The following CARHSP1 variants were observed in gnomAD, a reference collection of about 807,000 sequenced individuals.
The protein encoded by CARHSP1 is calcium-regulated heat-stable protein 1.
CARHSP1 carries 14 observed loss-of-function variants against 12.5 expected under a neutral mutation model. The observed-to-expected ratio is 1.12, with a 90% CI of 0.74 to 1.75. The LOEUF is 1.75. Ranked by LOEUF, CARHSP1 falls within the 40% of genes most tolerant of loss-of-function variation. The probability of loss-of-function intolerance (pLI) is 0.00; values close to 1 mark genes in which losing one functional copy is unlikely to be tolerated. For synonymous variants in CARHSP1, 161 were observed against 82.0 expected (o/e 1.96, Z -5.20); for missense variants, 343 against 201.6 (o/e 1.70, Z -4.25).
chr16:8,860,182 A>G lies in CARHSP1; in HGVS notation c.-7-847T>C, dbSNP rs559794294. On this transcript the variant is annotated intron_variant, in intron 1 of 3. Coordinates refer to ENST00000311052, the MANE Select transcript of CARHSP1 (RefSeq NM_014316.4). ...AAGCGCCACGTTTGGATCCCTGAGC[A>G]GCTGTCACAAGCCTGCACCCAGGAC... is the stretch of plus-strand genomic sequence containing the variant. 6.1e-6 allele frequency: 6 copies of G among 985,464 alleles called. No homozygotes were observed. The African/African-American group carries it at 1.0e-4, about 17-fold the overall frequency. 61.0% of individuals were successfully genotyped at this position (985,464 alleles called of 1,614,324 possible). A position where few individuals can be genotyped will look rare whatever the true frequency, so the allele number is the denominator to read the frequency against.
rs80296983 is a variant in CARHSP1, at chr16:8,853,340, G to GA, written c.*1823dup. The GA allele has an allele frequency of 0.44, 67,009 of 151,614 alleles. 15,234 individuals are homozygous for GA. Among genetic ancestry groups the GA allele is most frequent in the African/African-American group, 0.55 (22,474 of 41,166 alleles). The allele number at this position is 151,614 out of a possible 1,614,324, so 9.4% of individuals were successfully genotyped here. On this transcript the variant is annotated 3_prime_UTR_variant, in exon 4 of 4. Coordinates refer to ENST00000311052, the MANE Select transcript of CARHSP1 (RefSeq NM_014316.4). Reference sequence around the variant, plus strand: ...ACAGGGAACAATTCAAGGCTGGAGAGAAAAGGCCACCTTTGACCCAGCAGA... The same window carrying GA: ...ACAGGGAACAATTCAAGGCTGGAGAGAAAAAGGCCACCTTTGACCCAGCAGA...
chr16:8,867,568 T>G (rs1370397012), intron 1 of CARHSP1: 1 of 152,128 alleles, frequency 6.6e-6, no homozygotes, highest in Non-Finnish European at 1.5e-5. Flanking sequence ...ATCCCCTACC[T>G]AGGGGACCCA....
chr16:8,855,679 G>T (rs927162013), intron 3 of CARHSP1, among the ~76,000 whole-genome samples: 1 of 150,706 alleles, frequency 6.6e-6, no homozygotes, highest in Admixed American at 6.8e-5. Context: ...CAGAGAGCCA[G>T]AGAGAAACAA....
At chr16:8,858,254 ACCCAGCGCCCATCAGAGT>A in intron 3 of CARHSP1, 78 bp downstream of exon 3, 4 of 1,427,454 alleles carry the variant, frequency 2.8e-6, no homozygotes, top group Non-Finnish European at 3.8e-6. Flanking sequence ...TCGTCCTCAC[ACCCAGCGCCCATCAGAGT>A]CACACACCAT....
intron 1 of CARHSP1, among the ~76,000 whole-genome samples, chr16:8,866,886 C>G (rs2061464602): frequency 6.6e-6 from 1 of 152,152 alleles, no homozygotes; most frequent in African/African-American, 2.4e-5. Context: ...GCCCAGAGCC[C>G]CCTCCCAGGC....
At position 8,854,156 on chromosome 16, in the gene CARHSP1, T is replaced by C. The variant is rs1216542800; in HGVS notation, c.*1008A>G. ...GCCGGCTCTGGGTGAAAGCTTTAGT[T>C]ATGAAAAATAAGAAAAAAAAAATCC... is the stretch of plus-strand genomic sequence containing the variant. On this transcript the variant is annotated 3_prime_UTR_variant, in exon 4 of 4. Transcript: ENST00000311052. 1 of 151,482 alleles carries C rather than the reference T, an allele frequency of 6.6e-6. No homozygotes were observed. Among genetic ancestry groups the C allele is most frequent in the East Asian group, 1.9e-4 (1 of 5,198 alleles). 9.4% of individuals were successfully genotyped at this position (151,482 alleles called of 1,614,324 possible).
Position 8,858,758 on chromosome 16 carries a change from G to C in CARHSP1, c.159-286C>G, listed in dbSNP as rs1480057962. On this transcript the variant is annotated intron_variant, in intron 2 of 3. Coordinates refer to ENST00000311052, the MANE Select transcript of CARHSP1 (RefSeq NM_014316.4). ...ACTGAACATCCCTCCAGAAACTAAT[G>C]ATTTACTATTAATAACACAAGCATC... 4.3e-5 allele frequency: 20 copies of C among 464,956 alleles called. No homozygotes were observed. The East Asian group carries it at 5.3e-4, about 12-fold the overall frequency. 28.8% of individuals were successfully genotyped at this position (464,956 alleles called of 1,614,324 possible).
At chr16:8,859,412 G>T in intron 1 of CARHSP1, 77 bp from the exon 2 acceptor site, 1 of 1,302,586 alleles carries the variant, frequency 7.7e-7, no homozygotes, top group Non-Finnish European at 1.1e-6. Flanking sequence ...GTCCACGTCT[G>T]ACAGTCCAGT....
At chr16:8,861,631 G>C (rs1308050183) in intron 1 of CARHSP1, 1 of 1,288,974 alleles carries the variant, frequency 7.8e-7, no homozygotes, top group Admixed American at 2.3e-5. Context: ...GGAAGCTGGT[G>C]GCTGGCTTGC....
At chr16:8,858,647 TG>T (rs1567183392) in intron 2 of CARHSP1, 175 bp from the exon 3 acceptor site, 10 of 743,508 alleles carry the variant, frequency 1.3e-5, no homozygotes, top group African/African-American at 1.2e-4. Flanking sequence ...ACAAAGACGC[TG>T]GGGGAAAGGA....
intron 1 of CARHSP1, among the ~76,000 whole-genome samples, chr16:8,860,801 A>C (rs1001376781): frequency 1.3e-5 from 2 of 152,092 alleles, no homozygotes; most frequent in African/African-American, 2.4e-5. Context: ...CTGTAATCCC[A>C]GCACTTTGAG....
intron 3 of CARHSP1, 111 bp downstream of exon 3, chr16:8,858,239 G>A (rs548856999): frequency 1.5e-5 from 19 of 1,287,720 alleles, no homozygotes; most frequent in African/African-American, 1.2e-4. Context: ...CACAGGCCCA[G>A]CCATTCGTCC....
At chr16:8,861,567 C>T (rs903972229) in intron 1 of CARHSP1, 91 of 1,250,174 alleles carry the variant, frequency 7.3e-5, no homozygotes, top group Non-Finnish European at 2.3e-5. Flanking sequence ...AATGTCAGAA[C>T]CCCTCCCCAG....
chr16:8,861,594 C>A, intron 1 of CARHSP1: 1 of 1,285,992 alleles, frequency 7.8e-7, no homozygotes, highest in Non-Finnish European at 1.0e-6. Context: ...CTGCACTCTC[C>A]CGTTGGGCCT....
chr16:8,859,480 C>T (rs550685139), intron 1 of CARHSP1, 145 bp from the exon 2 acceptor site: 142 of 747,002 alleles, frequency 1.9e-4, no homozygotes, highest in East Asian at 6.5e-4. Flanking sequence ...TCTGGGAGCA[C>T]GCCTGGCAGG....
At chr16:8,860,453 T>C (rs915139498) in intron 1 of CARHSP1, 3 of 985,188 alleles carry the variant, frequency 3.0e-6, no homozygotes, top group African/African-American at 3.5e-5. Context: ...CACTGAACAT[T>C]GAATATGAAG....
chr16:8,856,704 A>C lies in CARHSP1; in HGVS notation c.282-1378T>G, dbSNP rs57354656. On this transcript the variant is annotated intron_variant, in intron 3 of 3. Coordinates refer to ENST00000311052, the MANE Select transcript of CARHSP1 (RefSeq NM_014316.4). ...AAATGTGGTTTCCGTGTTAGCGGGT[A>C]TGCTGTGCAGAGTAGGACTCTGTCT... 5.3e-4 allele frequency among the ~76,000 whole-genome samples: 80 copies of C among 152,254 alleles called. 1 individual carries two copies. In the East Asian group the frequency reaches 0.014, roughly 26 times the overall value.
intron 3 of CARHSP1, 137 bp from the exon 4 acceptor site, chr16:8,855,463 G>A: frequency 1.4e-6 from 1 of 691,622 alleles, no homozygotes; most frequent in Non-Finnish European, 2.1e-6. Context: ...TCTTTCCAAA[G>A]AACTGCCCCT....
At chr16:8,856,713 A>G (rs139494286) in intron 3 of CARHSP1, among the ~76,000 whole-genome samples, 1 of 152,288 alleles carries the variant, frequency 6.6e-6, no homozygotes, top group East Asian at 1.9e-4. Flanking sequence ...TATGCTGTGC[A>G]GAGTAGGACT....
Sources: gnomAD v4.1 joint callset for allele counts (sites outside exome capture counted in the v4.1 genomes callset) on GRCh38, gnomAD v4.1.1 for gene constraint, MANE v1.5 for transcripts, NCBI Gene and HGNC (gene_info 2026-07-23, HGNC 2026-07-21) for gene names.